The following RBFOX3 variants were observed in gnomAD, a reference collection of about 807,000 sequenced individuals.
RBFOX3 encodes RNA binding protein fox-1 homolog 3.
Under a neutral mutation model 48.7 loss-of-function variants are expected in RBFOX3, and 17 were observed. The ratio of observed to expected loss-of-function variants is 0.35; its 90% CI spans 0.24 to 0.52. The LOEUF (loss-of-function observed/expected upper bound fraction) is 0.52. Ranked by LOEUF, RBFOX3 falls within the 20% of genes least tolerant of loss-of-function variation. The pLI is 0.94. For synonymous variants in RBFOX3, 212 were observed against 209.5 expected, an observed-to-expected ratio of 1.01 and a Z score of -0.10; for missense variants, 382 against 497.5, an observed-to-expected ratio of 0.77 and a Z score of 2.21.
the RBFOX3 span, among the ~76,000 whole-genome samples, chr17:79,638,311 T>G: frequency 7.5e-5 from 7 of 93,626 alleles, no homozygotes; most frequent in African/African-American, 2.2e-4. Flanking sequence ...TTGGTTTTTT[T>G]TTTTTTTTTA....
At chr17:79,577,789 C>T (rs1245963465) in intron 1 of RBFOX3, among the ~76,000 whole-genome samples, 10 of 152,148 alleles carry the variant, frequency 6.6e-5, no homozygotes, top group African/African-American at 2.4e-4. Context: ...GTGGAGGGGC[C>T]AGGGAGGCCA....
intron 1 of RBFOX3, among the ~76,000 whole-genome samples, chr17:79,523,030 A>G (rs1401458686): frequency 6.6e-6 from 1 of 151,478 alleles, no homozygotes; most frequent in Non-Finnish European, 1.5e-5. Context: ...TCAACCAGGC[A>G]GAAAAGGACA....
upstream of RBFOX3, among the ~76,000 whole-genome samples, chr17:79,611,130 T>TCTCTCCCTC (rs1491548376): frequency 2.6e-5 from 1 of 37,846 alleles, no homozygotes; most frequent in Non-Finnish European, 4.3e-5. Context: ...TCCGCCCTCC[T>TCTCTCCCTC]TCTCTCTCTC....
chr17:79,130,835 C>T (rs2038663406), intron 4 of RBFOX3, among the ~76,000 whole-genome samples: 1 of 152,270 alleles, frequency 6.6e-6, no homozygotes, highest in Non-Finnish European at 1.5e-5. Context: ...GGCCTCCCTG[C>T]CTGGAGGCGG....
At position 79,299,344 on chromosome 17, in the gene RBFOX3, A is replaced by G. The variant is rs544916851; in HGVS notation, c.-74+8380T>C. The stretch of plus-strand genomic sequence containing the variant: ...CTGGTTCCTTAAAATGGGACTGTAC[A>G]GGCAGTCCTCTGGATCTTAGAGTTC... On this transcript the variant is annotated intron_variant, in intron 3 of 14. Transcript: ENST00000693108. This position sits in a 1 kb window ranked among gnomAD's most constrained non-coding sequence, Gnocchi z 4.5. Among the ~76,000 whole-genome samples the G allele has an allele frequency of 6.6e-6, 1 of 152,298 alleles. No homozygotes were observed. Among genetic ancestry groups the G allele is most frequent in the South Asian group, 2.1e-4 (1 of 4,818 alleles).
intron 2 of RBFOX3, among the ~76,000 whole-genome samples, chr17:79,377,282 C>A (rs1050626614): frequency 6.6e-6 from 1 of 152,116 alleles, no homozygotes; most frequent in African/African-American, 2.4e-5. Flanking sequence ...CATAATTACA[C>A]AGAGACGCAT....
At chr17:79,335,803 C>A (rs898034272) in intron 2 of RBFOX3, among the ~76,000 whole-genome samples, 1 of 152,218 alleles carries the variant, frequency 6.6e-6, no homozygotes, top group South Asian at 2.1e-4. Context: ...CAAAGCCTTC[C>A]CTGGCACCGC....
intron 2 of RBFOX3, among the ~76,000 whole-genome samples, chr17:79,333,142 CA>C (rs1281594229): frequency 1.3e-5 from 2 of 151,950 alleles, no homozygotes; most frequent in African/African-American, 4.8e-5. Context: ...GAGGACAGGC[CA>C]GGGGAGACCC....
At chr17:79,432,098 T>C (rs1177684961) in intron 2 of RBFOX3, among the ~76,000 whole-genome samples, 1 of 152,266 alleles carries the variant, frequency 6.6e-6, no homozygotes, top group African/African-American at 2.4e-5. Context: ...TTTTCTGGCT[T>C]CATTCACACT....
intron 2 of RBFOX3, among the ~76,000 whole-genome samples, chr17:79,447,187 C>T (rs1375792219): frequency 3.3e-5 from 5 of 152,358 alleles, no homozygotes; most frequent in South Asian, 4.1e-4. Flanking sequence ...TTCTGTAACC[C>T]GCTTTCGGCA....
chr17:79,419,439 C>G (rs571886539), intron 2 of RBFOX3, among the ~76,000 whole-genome samples: 1 of 152,164 alleles, frequency 6.6e-6, no homozygotes, highest in Non-Finnish European at 1.5e-5. Context: ...ACAGGAGCTT[C>G]GGAAGTGCAT....
chr17:79,305,258 A>G (rs1280325732), intron 3 of RBFOX3, among the ~76,000 whole-genome samples: 3 of 151,732 alleles, frequency 2.0e-5, no homozygotes, highest in Non-Finnish European at 2.9e-5. Context: ...GGGGCTTGGA[A>G]CCCTGCGGCC....
chr17:79,656,745 A>G, the RBFOX3 span, among the ~76,000 whole-genome samples: 2,335 of 77,004 alleles, frequency 0.03, 46 homozygotes, highest in African/African-American at 0.043. Flanking sequence ...AAAGAAAGAA[A>G]GAAAGAAGGA....
In RBFOX3 at chr17:79,123,876, G is replaced by A. The variant is rs369510945; in HGVS notation, c.-33-8128C>T. Among the ~76,000 whole-genome samples the A allele has an allele frequency of 7.2e-5, 11 of 152,328 alleles. No homozygotes were observed. The South Asian group carries it at 1.7e-3, about 23-fold the overall frequency. ...AGGCCTGCTCTGTGTCCACTGCCTC[G>A]CGGCCATCATCTCATCTTTACTTAC... On this transcript the variant is annotated intron_variant, in intron 4 of 14. Transcript: ENST00000693108.
At chr17:79,623,137 T>A in the RBFOX3 span, among the ~76,000 whole-genome samples, 1 of 152,210 alleles carries the variant, frequency 6.6e-6, no homozygotes, top group African/African-American at 2.4e-5. Context: ...CCACTCAGGA[T>A]CCTTCCCTGA....
intron 1 of RBFOX3, among the ~76,000 whole-genome samples, chr17:79,596,223 A>G (rs2093566159): frequency 6.6e-6 from 1 of 152,184 alleles, no homozygotes. Flanking sequence ...TTCACTTCCA[A>G]GGAAGGAGGG....
intron 3 of RBFOX3, among the ~76,000 whole-genome samples, chr17:79,292,275 C>T (rs547766161): frequency 6.6e-6 from 1 of 152,024 alleles, no homozygotes; most frequent in South Asian, 2.1e-4. Flanking sequence ...AGAGAAAATC[C>T]CACTCGTGTG....
rs1265848068 is a variant in RBFOX3, at chr17:79,517,054, T to C, written c.-319-34456A>G. ...ACGTTCTGGAGGTGGATGGTCACGA[T>C]TGCACGGCAATGTGAAGGTGCCGAA... On this transcript the variant is annotated intron_variant, in intron 1 of 14. Coordinates refer to ENST00000693108, the MANE Select transcript of RBFOX3 (RefSeq NM_001350451.2). 2.6e-5 allele frequency among the ~76,000 whole-genome samples: 4 copies of C among 152,192 alleles called. No individual in the cohort carries two copies. In the South Asian group the frequency reaches 6.2e-4, roughly 24 times the overall value.
intron 5 of RBFOX3, among the ~76,000 whole-genome samples, chr17:79,115,212 G>A (rs748466968): frequency 1.3e-5 from 2 of 152,222 alleles, no homozygotes; most frequent in African/African-American, 2.4e-5. Context: ...GCTGGAGGAC[G>A]GTGGCTGCCA....
Sources: gnomAD v4.1 joint callset for allele counts (sites outside exome capture counted in the v4.1 genomes callset) on GRCh38, gnomAD v4.1.1 for gene constraint, Gnocchi (gnomAD v3.1) non-coding constraint, MANE v1.5 for transcripts, NCBI Gene and HGNC (gene_info 2026-07-23, HGNC 2026-07-21) for gene names.